Variants in ABCC8 observed in about 807,000 individuals in gnomAD.
The protein encoded by ABCC8 is ATP binding cassette subfamily C member 8, also known as ATP-binding cassette sub-family C member 8.
ABCC8 carries 137 observed loss-of-function variants against 188.0 expected under a neutral mutation model. That is an observed-to-expected ratio of 0.73 (90% CI 0.63 to 0.84). The LOEUF is 0.84. Ranked by LOEUF, ABCC8 falls within the 40% of genes least tolerant of loss-of-function variation. The pLI is 0.00. For missense variants in ABCC8, 1,750 were observed against 2,072.7 expected, an observed-to-expected ratio of 0.84 and a Z score of 3.02; for synonymous variants, 797 against 846.5, an observed-to-expected ratio of 0.94 and a Z score of 1.01.
At position 17,406,774 on chromosome 11, in the gene ABCC8, G is replaced by A; in HGVS notation, c.3177C>T (p.Asp1059=). The part of the protein sequence containing the change: ...NCSLSQECTL[D]QTVYAMVFTV... ...TGAACACCATGGCATAGACAGTCTG[G>A]TCGAGGGTGCACTCCTTCACAGGCA... The change falls in exon 26 of 39, where the codon GAC becomes GAT. Residue 1059 remains aspartate, a synonymous_variant. Coordinates refer to ENST00000389817, the MANE Select transcript of ABCC8 (RefSeq NM_000352.6). 6.2e-7 allele frequency: 1 copy of A among 1,614,220 alleles called. No individual in the cohort carries two copies. Among genetic ancestry groups the A allele is most frequent in the Non-Finnish European group, 8.5e-7 (1 of 1,180,032 alleles).
chr11:17,432,155 C>T (rs960823470), intron 11 of ABCC8, 49 bp downstream of exon 11: 15 of 1,551,066 alleles, frequency 9.7e-6, no homozygotes, highest in Non-Finnish European at 1.1e-5. Flanking sequence ...ACTGCAGACG[C>T]CCTCCCCCTC....
At chr11:17,396,488 A>G in intron 33 of ABCC8, 1 of 293,626 alleles carries the variant, frequency 3.4e-6, no homozygotes. Flanking sequence ...AAAGAGACAG[A>G]GTGGGAAACG....
chr11:17,414,416 G>T, intron 19 of ABCC8, 96 bp downstream of exon 19: 1 of 1,515,176 alleles, frequency 6.6e-7, no homozygotes, highest in Non-Finnish European at 9.1e-7. Context: ...GAGATGGCTG[G>T]GTGTGGGTGA....
chr11:17,441,031 C>T (rs1327685520), intron 10 of ABCC8, among the ~76,000 whole-genome samples: 1 of 152,198 alleles, frequency 6.6e-6, no homozygotes, highest in East Asian at 1.9e-4. Context: ...ACCAGCACCC[C>T]CTCCATTACC....
chr11:17,459,776 C>T (rs539607120), intron 6 of ABCC8, among the ~76,000 whole-genome samples: 1 of 152,306 alleles, frequency 6.6e-6, no homozygotes, highest in African/African-American at 2.4e-5. Flanking sequence ...GTGGATGCTA[C>T]GGCCCCACGC....
chr11:17,408,346 C>T (rs374840010), intron 23 of ABCC8, 46 bp downstream of exon 23: 1 of 1,570,952 alleles, frequency 6.4e-7, no homozygotes, highest in Non-Finnish European at 8.7e-7. Context: ...CTAGCAGAAC[C>T]TTTGCATCCA....
chr11:17,476,519 G>T, intron 1 of ABCC8, 110 bp downstream of exon 1: 1 of 1,374,384 alleles, frequency 7.3e-7, no homozygotes, highest in South Asian at 1.4e-5. Context: ...GGAACGAGGC[G>T]GACGGCGGTC....
At chr11:17,410,346 T>A in intron 22 of ABCC8, 170 bp downstream of exon 22, 1 of 753,634 alleles carries the variant, frequency 1.3e-6, no homozygotes, top group East Asian at 2.7e-5. Flanking sequence ...CCCTGGCCTG[T>A]ACAGGGTCTC....
chr11:17,414,429 G>T, intron 19 of ABCC8, 83 bp downstream of exon 19: 1 of 1,563,182 alleles, frequency 6.4e-7, no homozygotes, highest in African/African-American at 1.4e-5. Context: ...GTGGGTGATC[G>T]ATGGAGGGGC....
At chr11:17,437,575 A>G (rs1186370001) in intron 10 of ABCC8, among the ~76,000 whole-genome samples, 1 of 152,240 alleles carries the variant, frequency 6.6e-6, no homozygotes, top group Non-Finnish European at 1.5e-5. Context: ...TTTCCCATTC[A>G]GTCCAATAGT....
chr11:17,420,056 G>C (rs1955264209), intron 16 of ABCC8, among the ~76,000 whole-genome samples: 1 of 152,130 alleles, frequency 6.6e-6, no homozygotes. Context: ...AAAAGTACAG[G>C]CAGAGGGAGA....
At chr11:17,475,592 G>A (rs1305911803) in intron 1 of ABCC8, among the ~76,000 whole-genome samples, 1 of 152,144 alleles carries the variant, frequency 6.6e-6, no homozygotes, top group African/African-American at 2.4e-5. Flanking sequence ...GTTTGGCTGA[G>A]AACAGAAGTG....
intron 22 of ABCC8, among the ~76,000 whole-genome samples, chr11:17,409,888 C>A (rs1954726864): frequency 6.6e-6 from 1 of 152,080 alleles, no homozygotes; most frequent in African/African-American, 2.4e-5. Context: ...TTCTTTCTTT[C>A]CTTTTTCAAA....
At chr11:17,435,018 T>TGTGTGTGTGTG (rs1564934631) in intron 10 of ABCC8, among the ~76,000 whole-genome samples, 6 of 150,410 alleles carry the variant, frequency 4.0e-5, no homozygotes, top group South Asian at 2.1e-4. Flanking sequence ...TGTGTGTGTG[T>TGTGTGTGTGTG]TTTGCAAGAA....
chr11:17,449,430 G>A (rs1475511379), intron 7 of ABCC8, among the ~76,000 whole-genome samples: 3 of 152,172 alleles, frequency 2.0e-5, no homozygotes, highest in African/African-American at 7.2e-5. Flanking sequence ...ACAAGGGTTC[G>A]ACTTTGGAAG....
chr11:17,463,699 A>G lies in ABCC8; in HGVS notation c.413-95T>C, dbSNP rs1847973536. 12 of 1,494,070 alleles carry G rather than the reference A, an allele frequency of 8.0e-6. No homozygotes were observed. The South Asian group carries it at 1.4e-4, about 17-fold the overall frequency. The allele number at this position is 1,494,070 out of a possible 1,614,324, so 92.6% of individuals were successfully genotyped here. On this transcript the variant is annotated intron_variant, in intron 3 of 38. Coordinates refer to ENST00000389817, the MANE Select transcript of ABCC8 (RefSeq NM_000352.6). ...AAGTATGTGGCAGAGAAGGAGACAG[A>G]ATAAGCGTGCCTGGGTGTGTACATT... is the stretch of plus-strand genomic sequence containing the variant.
intron 3 of ABCC8, among the ~76,000 whole-genome samples, chr11:17,468,134 C>T (rs761038115): frequency 6.6e-6 from 1 of 152,152 alleles, no homozygotes; most frequent in Non-Finnish European, 1.5e-5. Context: ...CCCATTCATA[C>T]TCATGTGGGG....
At position 17,450,314 on chromosome 11, in the gene ABCC8, CTTTCTTTCTT is replaced by C. The variant is rs1240646093; in HGVS notation, c.1177-1653_1177-1644del. Among the ~76,000 whole-genome samples, 562 of 121,444 alleles carry C rather than the reference CTTTCTTTCTT, an allele frequency of 4.6e-3. 7 individuals are homozygous for C. Among genetic ancestry groups the C allele is most frequent in the African/African-American group, 0.017 (488 of 29,246 alleles). 79.7% of individuals were successfully genotyped at this position (121,444 alleles called of 152,430 possible). On this transcript the variant is annotated intron_variant, in intron 7 of 38. Transcript: ENST00000389817. Reference sequence around the variant, plus strand: ...TCTTTCTTTCTTTCTTTCTTTCTTTCTTTCTTTCTTTCTCTCTCTCTCTTTCCTTTCTTTC... The same window carrying C: ...TCTTTCTTTCTTTCTTTCTTTCTTTCTCTCTCTCTCTCTTTCCTTTCTTTC...
intron 10 of ABCC8, among the ~76,000 whole-genome samples, chr11:17,440,135 A>G (rs1340222515): frequency 1.3e-5 from 2 of 152,140 alleles, no homozygotes; most frequent in Non-Finnish European, 2.9e-5. Context: ...TGTGCCAGGA[A>G]CCTTGGGGAC....
Sources: gnomAD v4.1 joint callset for allele counts (sites outside exome capture counted in the v4.1 genomes callset) on GRCh38, gnomAD v4.1.1 for gene constraint, MANE v1.5 for transcripts, NCBI Gene and HGNC (gene_info 2026-07-23, HGNC 2026-07-21) for gene names.